SRRM4: variants seen among roughly 807,000 people sequenced by gnomAD.
The protein encoded by SRRM4 is serine/arginine repetitive matrix 4.
A neutral mutation model predicts 68.9 loss-of-function variants in SRRM4; 33 were observed. That is an observed-to-expected ratio of 0.48 (90% CI 0.36 to 0.64). The LOEUF is 0.64. SRRM4 is among the 30% of genes least tolerant of loss of function. SRRM4 has a pLI of 0.00. For synonymous variants in SRRM4, 318 were observed against 318.8 expected (o/e 1.00, Z 0.03); for missense variants, 817 against 827.1 (o/e 0.99, Z 0.15).
At chr12:119,010,134 C>T (rs1953439791) in intron 1 of SRRM4, among the ~76,000 whole-genome samples, 1 of 152,186 alleles carries the variant, frequency 6.6e-6, no homozygotes, top group Admixed American at 6.5e-5. Context: ...CTCTCTGCAA[C>T]CTCCGCCTCC....
intron 8 of SRRM4, among the ~76,000 whole-genome samples, chr12:119,141,897 T>A (rs577719337): frequency 6.6e-6 from 1 of 152,292 alleles, no homozygotes; most frequent in African/African-American, 2.4e-5. Context: ...AAGTGCAGTG[T>A]ATTGTGCTAT....
In SRRM4 at chr12:119,153,599, A is replaced by C. The variant is rs890884844; in HGVS notation, c.1341A>C (p.Arg447Ser). 3.9e-5 allele frequency: 62 copies of C among 1,573,636 alleles called. No individual in the cohort carries two copies. Among genetic ancestry groups the C allele is most frequent in the Non-Finnish European group, 5.1e-5 (59 of 1,160,558 alleles). Residue 447 changes from arginine to serine, a missense_variant, in exon 11 of 13, where the codon AGA becomes AGC. Coordinates refer to ENST00000267260, the MANE Select transcript of SRRM4 (RefSeq NM_194286.4). The part of the protein sequence containing the change: ...SKSGKRSPPS[R>S]SSRSRRSPSY... ...CTGGCAAGAGGAGCCCGCCCAGCAG[A>C]AGCTCTAGGTCCCGCCGCAGCCCTA...
At chr12:119,075,993 T>C (rs1004583053) in intron 1 of SRRM4, among the ~76,000 whole-genome samples, 3 of 151,506 alleles carry the variant, frequency 2.0e-5, no homozygotes, top group Non-Finnish European at 2.9e-5. Context: ...ATGGTGCTGA[T>C]GATGGTGGTG....
intron 8 of SRRM4, among the ~76,000 whole-genome samples, chr12:119,144,843 T>C (rs1377306640): frequency 6.6e-6 from 1 of 152,202 alleles, no homozygotes; most frequent in Non-Finnish European, 1.5e-5. Flanking sequence ...GTGATATTTG[T>C]TTAGGTTTCT....
At chr12:119,031,675 C>G (rs1166410325) in intron 1 of SRRM4, among the ~76,000 whole-genome samples, 1 of 152,114 alleles carries the variant, frequency 6.6e-6, no homozygotes, top group Non-Finnish European at 1.5e-5. Flanking sequence ...AAAGGGTCAT[C>G]ATTTTTAAAG....
rs750515379 is a variant in SRRM4, at chr12:119,154,103, C to T, written c.1392-140C>T. On this transcript the variant is annotated intron_variant, in intron 11 of 12. Transcript: ENST00000267260. This position sits in a 1 kb window ranked among gnomAD's most constrained non-coding sequence, Gnocchi z 4.7. ...TACCGCAGCCCCGTCATCCTCCCTC[C>T]GGTCTCCCTTGCGGCAACGTGCAGA... The T allele has an allele frequency of 2.9e-5, 21 of 732,256 alleles. No individual in the cohort carries two copies. Among genetic ancestry groups the T allele is most frequent in the Non-Finnish European group, 4.5e-5 (20 of 441,108 alleles). 45.4% of individuals were successfully genotyped at this position (732,256 alleles called of 1,614,324 possible). A position where few individuals can be genotyped will look rare whatever the true frequency, so the allele number is the denominator to read the frequency against.
rs1954503881 is a variant in SRRM4, at chr12:119,160,289, G to GTCTGTCTCTCTC, written c.*3494_*3495insGTCTCTCTCTCT. The GTCTGTCTCTCTC allele has an allele frequency of 4.9e-5, 7 of 143,258 alleles. No individual in the cohort carries two copies. The highest frequency in any genetic ancestry group is 1.8e-4 in the African/African-American group (7 of 38,314). 8.9% of individuals were successfully genotyped at this position (143,258 alleles called of 1,614,324 possible). On this transcript the variant is annotated 3_prime_UTR_variant, in exon 13 of 13. Transcript: ENST00000267260. ...TGTCTCTCTCTCTGTCTCTCTCTCT[G>GTCTGTCTCTCTC]TCTCTCTCTCTCTCTCTCTCTCTCT...
chr12:119,099,692 C>T (rs1419570395), intron 1 of SRRM4, among the ~76,000 whole-genome samples: 5 of 152,230 alleles, frequency 3.3e-5, no homozygotes, highest in African/African-American at 1.2e-4. Flanking sequence ...GCAGTCTCAT[C>T]ATAAGGCTTG....
At chr12:119,134,316 C>T (rs1459196118) in intron 8 of SRRM4, among the ~76,000 whole-genome samples, 1 of 150,858 alleles carries the variant, frequency 6.6e-6, no homozygotes, top group Non-Finnish European at 1.5e-5. Context: ...GACAGTTTAC[C>T]TCACACATGG....
intron 1 of SRRM4, among the ~76,000 whole-genome samples, chr12:119,022,361 A>T (rs1250763549): frequency 1.3e-5 from 2 of 152,212 alleles, no homozygotes; most frequent in East Asian, 3.8e-4. Context: ...CTAAGGATTC[A>T]GTCACAACCA....
At chr12:119,089,163 T>C (rs1201343605) in intron 1 of SRRM4, among the ~76,000 whole-genome samples, 1 of 152,164 alleles carries the variant, frequency 6.6e-6, no homozygotes, top group African/African-American at 2.4e-5. Context: ...ATAGACCCTC[T>C]GCCCATGTGG....
intron 2 of SRRM4, among the ~76,000 whole-genome samples, chr12:119,108,559 C>G (rs541803686): frequency 1.3e-5 from 2 of 152,250 alleles, no homozygotes; most frequent in South Asian, 4.1e-4. Context: ...GATCCCTTTA[C>G]CATAATGTAA....
intron 1 of SRRM4, among the ~76,000 whole-genome samples, chr12:119,044,827 G>A (rs774135105): frequency 9.9e-5 from 15 of 152,178 alleles, no homozygotes; most frequent in Non-Finnish European, 2.2e-4. Context: ...GTTGTAGGGG[G>A]TTTCTCCTCA....
intron 8 of SRRM4, among the ~76,000 whole-genome samples, chr12:119,137,149 A>G (rs995448848): frequency 1.3e-5 from 2 of 151,848 alleles, no homozygotes; most frequent in African/African-American, 4.8e-5. Context: ...TAAAAGCTCT[A>G]CCATACAGCT....
chr12:119,130,438 GATGGATGGTTAAATGGATGA>G (rs1238901683), intron 7 of SRRM4, among the ~76,000 whole-genome samples: 1 of 152,052 alleles, frequency 6.6e-6, no homozygotes, highest in Non-Finnish European at 1.5e-5. Flanking sequence ...TGGATGGATG[GATGGATGGTTAAATGGATGA>G]ATGGATGGTT....
rs1244480406 is a variant in SRRM4, at chr12:119,156,543, C to A, written c.1581C>A (p.Ser527=). The A allele has an allele frequency of 6.2e-7, 1 of 1,611,018 alleles. No homozygotes were observed. The highest frequency in any genetic ancestry group is 1.3e-5 in the African/African-American group (1 of 74,838). The change falls in exon 13 of 13, where the codon TCC becomes TCA. Residue 527 remains serine (S), a synonymous_variant. Coordinates refer to ENST00000267260, the MANE Select transcript of SRRM4 (RefSeq NM_194286.4). The part of the protein sequence containing the change: ...IPYYRPSPSS[S]GSLSSTSSWY... ...ACTATCGGCCCAGCCCCTCCTCATC[C>A]GGCAGCCTCAGCAGCACCTCCTCCT...
At position 119,016,385 on chromosome 12, in the gene SRRM4, G is replaced by T. The variant is rs376321302; in HGVS notation, c.131+34372G>T. Among the ~76,000 whole-genome samples the T allele has an allele frequency of 2.0e-5, 3 of 151,572 alleles. No homozygotes were observed. In the South Asian group the frequency reaches 6.3e-4, roughly 32 times the overall value. Reference sequence around the variant, plus strand: ...CCTTTCACATCACACTCTATGAGGGGGACTCTTCCTGGAAATGAGCAAAGT... The same window carrying T: ...CCTTTCACATCACACTCTATGAGGGTGACTCTTCCTGGAAATGAGCAAAGT... On this transcript the variant is annotated intron_variant, in intron 1 of 12. Transcript: ENST00000267260.
intron 1 of SRRM4, among the ~76,000 whole-genome samples, chr12:119,076,269 A>G (rs1045582877): frequency 6.6e-5 from 10 of 152,214 alleles, no homozygotes; most frequent in African/African-American, 2.2e-4. Flanking sequence ...GGATTAACTC[A>G]TTTAATTCTC....
rs1371141613 is a variant in SRRM4 at position 118,998,611 on chromosome 12, C to G, written c.131+16598C>G. Among the ~76,000 whole-genome samples, 4 of 152,222 alleles carry G rather than the reference C, an allele frequency of 2.6e-5. No individual in the cohort carries two copies. In the East Asian group the frequency reaches 7.7e-4, roughly 29 times the overall value. ...TTAATGTTATCACTGGATTCCCTCT[C>G]CTAACACATTTTGCAAAGGAGAAAA... On this transcript the variant is annotated intron_variant, in intron 1 of 12. Transcript: ENST00000267260.
Sources: gnomAD v4.1 joint callset for allele counts (sites outside exome capture counted in the v4.1 genomes callset) on GRCh38, gnomAD v4.1.1 for gene constraint, Gnocchi (gnomAD v3.1) non-coding constraint, MANE v1.5 for transcripts, NCBI Gene and HGNC (gene_info 2026-07-23, HGNC 2026-07-21) for gene names.